KLHL1: variants seen among roughly 807,000 people sequenced by gnomAD.
KLHL1 encodes the protein kelch-like protein 1.
In KLHL1, 47 loss-of-function variants were observed where a neutral mutation model predicts 77.7. That is an observed-to-expected ratio of 0.60 (90% CI 0.48 to 0.77). The LOEUF is 0.77. Among genes scored for constraint, KLHL1 ranks in the 30% least tolerant of loss-of-function variants. KLHL1 has a pLI of 0.00. For missense variants in KLHL1, 925 were observed against 910.8 expected (o/e 1.02, Z -0.20); for synonymous variants, 360 against 325.2 (o/e 1.11, Z -1.15).
At chr13:69,783,265 C>A (rs1459242991) in intron 7 of KLHL1, among the ~76,000 whole-genome samples, 3 of 152,158 alleles carry the variant, frequency 2.0e-5, no homozygotes, top group East Asian at 1.9e-4. Context: ...AAAAGCAGAG[C>A]ACCTCTCCTC....
chr13:69,933,346 T>C (rs1423195106), intron 4 of KLHL1, among the ~76,000 whole-genome samples: 1 of 152,184 alleles, frequency 6.6e-6, no homozygotes, highest in Non-Finnish European at 1.5e-5. Flanking sequence ...ACTTTATTTG[T>C]ATGACTTATA....
intron 7 of KLHL1, among the ~76,000 whole-genome samples, chr13:69,786,993 C>T (rs1201890030): frequency 3.9e-5 from 6 of 152,094 alleles, no homozygotes; most frequent in Non-Finnish European, 1.5e-5. Flanking sequence ...ACAAACACTG[C>T]TCAATGAAAT....
chr13:70,057,093 TA>T (rs1387108047), intron 1 of KLHL1, among the ~76,000 whole-genome samples: 2 of 151,918 alleles, frequency 1.3e-5, no homozygotes, highest in Non-Finnish European at 2.9e-5. Flanking sequence ...AAATTAGAGA[TA>T]AAAAAACATT....
At chr13:69,737,449 G>A (rs934905193) in intron 8 of KLHL1, among the ~76,000 whole-genome samples, 7 of 152,210 alleles carry the variant, frequency 4.6e-5, no homozygotes, top group Admixed American at 2.0e-4. Flanking sequence ...AATCTCTGGC[G>A]GCCAGCACAG....
chr13:70,055,855 A>G (rs928577982), intron 1 of KLHL1, among the ~76,000 whole-genome samples: 1 of 152,070 alleles, frequency 6.6e-6, no homozygotes, highest in African/African-American at 2.4e-5. Context: ...ATTAAATCAT[A>G]CTACCAGATA....
rs779276349 is a variant in KLHL1, at chr13:69,831,698, C to T, written c.1414+7278G>A. Among the ~76,000 whole-genome samples the T allele has an allele frequency of 1.4e-4, 21 of 149,692 alleles. 2 individuals carry two copies. The highest frequency in any genetic ancestry group is 2.0e-4 in the African/African-American group (8 of 39,908). On this transcript the variant is annotated intron_variant, in intron 6 of 10. Coordinates refer to ENST00000377844, the MANE Select transcript of KLHL1 (RefSeq NM_020866.3). ...AATACACATATATGCAAAAATCCTC[C>T]GCAAAATACTAGCTAAATAAATCCA...
intron 1 of KLHL1, among the ~76,000 whole-genome samples, chr13:70,084,193 G>T (rs562105281): frequency 6.6e-6 from 1 of 151,432 alleles, no homozygotes; most frequent in East Asian, 1.9e-4. Context: ...ACACACACAT[G>T]TACACACACA....
chr13:69,719,508 T>A lies in KLHL1; in HGVS notation c.1876A>T (p.Lys626Ter). The A allele has an allele frequency of 6.2e-7, 1 of 1,613,570 alleles. No individual in the cohort carries two copies. Among genetic ancestry groups the A allele is most frequent in the Non-Finnish European group, 8.5e-7 (1 of 1,179,692 alleles). ...CACATGGGAGCACACATGTTCCACT[T>A]ATTTGTATGAGGATCATAATATTCC... ...SMEYYDPHTN[K>*]WNMCAPMCKR... Residue 626 changes from lysine to a stop codon, truncating the protein, a stop_gained, in exon 9 of 11, where the codon AAG (lysine) becomes TAG (stop). Transcript: ENST00000377844. LOFTEE classifies it high-confidence loss of function.
At chr13:70,030,506 C>A (rs138954120) in intron 1 of KLHL1, among the ~76,000 whole-genome samples, 1 of 152,058 alleles carries the variant, frequency 6.6e-6, no homozygotes, top group Admixed American at 6.6e-5. Flanking sequence ...AGGTACATAA[C>A]GAAATGAAGG....
At chr13:69,938,093 A>G (rs1188306555) in intron 4 of KLHL1, among the ~76,000 whole-genome samples, 2 of 152,136 alleles carry the variant, frequency 1.3e-5, no homozygotes, top group African/African-American at 4.8e-5. Context: ...AGATGAGAAC[A>G]TATGCCTGAT....
chr13:69,984,676 T>C (rs1884813613), intron 1 of KLHL1, among the ~76,000 whole-genome samples: 1 of 152,138 alleles, frequency 6.6e-6, no homozygotes, highest in Admixed American at 6.5e-5. Context: ...GTTATTTTCT[T>C]TTCTCTTTCT....
intron 1 of KLHL1, among the ~76,000 whole-genome samples, chr13:70,017,791 T>A (rs1885695479): frequency 1.3e-5 from 2 of 152,148 alleles, no homozygotes; most frequent in African/African-American, 2.4e-5. Context: ...CACAAAAAAA[T>A]TATGTAGAGC....
intron 1 of KLHL1, among the ~76,000 whole-genome samples, chr13:70,081,561 A>G (rs1478668347): frequency 2.6e-5 from 4 of 152,204 alleles, no homozygotes; most frequent in Admixed American, 6.5e-5. Flanking sequence ...GATCCATGCC[A>G]TGGAGATCTC....
chr13:69,740,616 A>G lies in KLHL1; in HGVS notation c.1640-60T>C. 6 of 1,321,958 alleles carry G rather than the reference A, an allele frequency of 4.5e-6. No homozygotes were observed. In the South Asian group the frequency reaches 9.8e-5, roughly 22 times the overall value. The allele number at this position is 1,321,958 out of a possible 1,614,324, so 81.9% of individuals were successfully genotyped here. On this transcript the variant is annotated intron_variant, in intron 7 of 10. Transcript: ENST00000377844. ...GTTAATATCATATTGTACATTTAAA[A>G]ATCTGTTAAGTGGGTAGATCTCATG...
At chr13:69,888,231 T>C (rs948295634) in intron 4 of KLHL1, among the ~76,000 whole-genome samples, 1 of 152,216 alleles carries the variant, frequency 6.6e-6, no homozygotes, top group East Asian at 1.9e-4. Flanking sequence ...CCCAAATACC[T>C]CACAATGTCC....
chr13:69,788,768 G>C (rs1876702242), intron 7 of KLHL1, among the ~76,000 whole-genome samples: 2 of 152,054 alleles, frequency 1.3e-5, no homozygotes, highest in South Asian at 4.1e-4. Context: ...GGAGCTCCAG[G>C]TACACAGAAG....
chr13:69,861,792 A>C (rs1377846639), intron 5 of KLHL1, among the ~76,000 whole-genome samples: 2 of 147,196 alleles, frequency 1.4e-5, no homozygotes, highest in African/African-American at 5.0e-5. Context: ...TACTAAAAAA[A>C]AAAAAAAAAA....
chr13:70,108,396 A>G lies in KLHL1; in HGVS notation c.-697T>C, dbSNP rs1354170855. ...AAGAGAAAAATAGATATTCTAGCGC[A>G]TATAGGGAGGCAAAAGAAAAAGCCC... On this transcript the variant is annotated 5_prime_UTR_variant, in exon 1 of 11. It removes an upstream start codon present in the reference 5' UTR. Coordinates refer to ENST00000377844, the MANE Select transcript of KLHL1 (RefSeq NM_020866.3). 6.0e-6 allele frequency: 1 copy of G among 167,630 alleles called. No individual in the cohort carries two copies. Among genetic ancestry groups the G allele is most frequent in the Non-Finnish European group, 1.3e-5 (1 of 78,992 alleles). 10.4% of individuals were successfully genotyped at this position (167,630 alleles called of 1,614,324 possible). A position where few individuals can be genotyped will look rare whatever the true frequency, so the allele number is the denominator to read the frequency against.
chr13:69,733,626 T>C (rs1873646000), intron 8 of KLHL1, among the ~76,000 whole-genome samples: 1 of 152,158 alleles, frequency 6.6e-6, no homozygotes, highest in South Asian at 2.1e-4. Context: ...TCACATCAGT[T>C]CTTAGAGAAT....
Sources: gnomAD v4.1 joint callset for allele counts (sites outside exome capture counted in the v4.1 genomes callset) on GRCh38, gnomAD v4.1.1 for gene constraint, MANE v1.5 for transcripts, NCBI Gene and HGNC (gene_info 2026-07-23, HGNC 2026-07-21) for gene names.